The following NCKAP5 variants were observed in gnomAD, a reference collection of about 807,000 sequenced individuals.
NCKAP5 encodes NCK associated protein 5, also known as nck-associated protein 5.
NCKAP5 carries 92 observed loss-of-function variants against 167.0 expected under a neutral mutation model. That is an observed-to-expected ratio of 0.55 (90% confidence interval 0.47 to 0.66). NCKAP5 has a LOEUF of 0.66. Among genes scored for constraint, NCKAP5 ranks in the 30% least tolerant of loss-of-function variants. NCKAP5 has a pLI of 0.00. For synonymous variants in NCKAP5, 891 were observed against 877.4 expected (o/e 1.02, Z -0.27); for missense variants, 2,378 against 2,315.0 (o/e 1.03, Z -0.56).
chr2:133,127,959 G>A (rs1268196133), intron 6 of NCKAP5, among the ~76,000 whole-genome samples: 1 of 152,140 alleles, frequency 6.6e-6, no homozygotes, highest in African/African-American at 2.4e-5. Flanking sequence ...TTGAACTGGT[G>A]TTAAATTATA....
chr2:133,319,385 T>C (rs1472531066), intron 3 of NCKAP5, among the ~76,000 whole-genome samples: 1 of 152,178 alleles, frequency 6.6e-6, no homozygotes, highest in Admixed American at 6.5e-5. Flanking sequence ...TTGTACTTAA[T>C]GATTTAGGTG....
the NCKAP5 span, among the ~76,000 whole-genome samples, chr2:133,666,700 A>T: frequency 6.6e-6 from 1 of 150,924 alleles, no homozygotes; most frequent in South Asian, 2.1e-4. Flanking sequence ...AATATTCTAA[A>T]TTATAATAGA....
intron 1 of NCKAP5, among the ~76,000 whole-genome samples, chr2:133,563,563 A>AT (rs1412270724): frequency 1.1e-5 from 1 of 92,940 alleles, no homozygotes; most frequent in Non-Finnish European, 2.1e-5. Flanking sequence ...GAAAGACTCC[A>AT]TAAAAAAAAA....
chr2:133,287,741 T>G (rs951559111), intron 4 of NCKAP5, among the ~76,000 whole-genome samples: 29 of 152,232 alleles, frequency 1.9e-4, no homozygotes, highest in African/African-American at 7.0e-4. Context: ...CAGGGAAGAC[T>G]GGGCCCAGGT....
At chr2:132,859,149 T>C (rs1689698397) in intron 11 of NCKAP5, among the ~76,000 whole-genome samples, 1 of 152,180 alleles carries the variant, frequency 6.6e-6, no homozygotes, top group Non-Finnish European at 1.5e-5. Context: ...GAGTCATAAA[T>C]TATGAATTAT....
intron 3 of NCKAP5, among the ~76,000 whole-genome samples, chr2:133,465,198 C>A (rs1692482728): frequency 7.3e-6 from 1 of 136,372 alleles, no homozygotes; most frequent in Non-Finnish European, 1.5e-5. Flanking sequence ...GTGATATTCC[C>A]CTTCCTGTGT....
chr2:132,906,399 C>A (rs1037604552), intron 8 of NCKAP5, among the ~76,000 whole-genome samples: 3 of 152,150 alleles, frequency 2.0e-5, no homozygotes, highest in South Asian at 4.1e-4. Flanking sequence ...AGAGATTATA[C>A]TGTAAAGAGA....
At chr2:132,998,634 C>G (rs1339899114) in intron 6 of NCKAP5, among the ~76,000 whole-genome samples, 2 of 152,170 alleles carry the variant, frequency 1.3e-5, no homozygotes, top group Non-Finnish European at 2.9e-5. Context: ...ACAAACTTCT[C>G]TATTTTCCCA....
At chr2:133,379,211 C>A (rs1214355937) in intron 3 of NCKAP5, among the ~76,000 whole-genome samples, 1 of 152,228 alleles carries the variant, frequency 6.6e-6, no homozygotes, top group Non-Finnish European at 1.5e-5. Flanking sequence ...TTATTTCACA[C>A]TTCACTGCTC....
chr2:132,912,539 C>T (rs1413336295), intron 8 of NCKAP5, among the ~76,000 whole-genome samples: 3 of 152,176 alleles, frequency 2.0e-5, no homozygotes, highest in Admixed American at 1.3e-4. Context: ...TACATATCTA[C>T]AAACTGCCCT....
At chr2:132,921,056 T>C (rs1695388282) in intron 8 of NCKAP5, among the ~76,000 whole-genome samples, 1 of 151,614 alleles carries the variant, frequency 6.6e-6, no homozygotes, top group South Asian at 2.1e-4. Context: ...AGGAAAGACA[T>C]TGACTGAACT....
intron 7 of NCKAP5, among the ~76,000 whole-genome samples, chr2:132,983,742 C>T (rs2077206269): frequency 1.3e-5 from 2 of 152,186 alleles, no homozygotes; most frequent in South Asian, 4.1e-4. Context: ...GACTTCTCTA[C>T]TATCTCCACC....
In NCKAP5 at chr2:133,257,477, A is replaced by G. The variant is rs559570877; in HGVS notation, c.144-43698T>C. 1.4e-4 allele frequency among the ~76,000 whole-genome samples: 21 copies of G among 151,824 alleles called. 1 individual carries two copies. The South Asian group carries it at 4.4e-3, about 31-fold the overall frequency. On this transcript the variant is annotated intron_variant, in intron 4 of 19. Transcript: ENST00000409261. Reference sequence around the variant, plus strand: ...TTTATATTCATAAATATATAAGAAAACTAAGACACTTACGATAACTACTCT... The same window carrying G: ...TTTATATTCATAAATATATAAGAAAGCTAAGACACTTACGATAACTACTCT...
At chr2:133,563,653 T>C (rs1688342240) in intron 1 of NCKAP5, among the ~76,000 whole-genome samples, 1 of 149,430 alleles carries the variant, frequency 6.7e-6, no homozygotes, top group South Asian at 2.1e-4. Context: ...CGCATAGGCG[T>C]TAGACACTTT....
intron 5 of NCKAP5, among the ~76,000 whole-genome samples, chr2:133,132,162 C>T (rs1401043265): frequency 6.6e-6 from 1 of 151,810 alleles, no homozygotes; most frequent in Non-Finnish European, 1.5e-5. Context: ...TTGGCGGGTG[C>T]CTATAATGCC....
rs531811953 is a variant in NCKAP5, at chr2:132,966,768, C to T, written c.430-2899G>A. 3.8e-4 allele frequency among the ~76,000 whole-genome samples: 58 copies of T among 152,226 alleles called. 1 individual carries two copies. Among genetic ancestry groups the T allele is most frequent in the Admixed American group, 1.7e-3 (26 of 15,288 alleles). On this transcript the variant is annotated intron_variant, in intron 7 of 19. Coordinates refer to ENST00000409261, the MANE Select transcript of NCKAP5 (RefSeq NM_207363.3). ...TAACTCATCCTGAAGGAAGCTTATC[C>T]GACACACATGTATTTTATCTGTAGG...
Position 132,783,586 on chromosome 2 carries a change from T to G in NCKAP5, c.3225A>C (p.Pro1075=). 6.2e-7 allele frequency: 1 copy of G among 1,613,982 alleles called. No individual in the cohort carries two copies. The highest frequency in any genetic ancestry group is 8.5e-7 in the Non-Finnish European group (1 of 1,179,888). ...TPRISPSTHE[P]LEMTSSKSVS... ...CACTTTTGGAGGACGTCATTTCCAGTGGCTCATGGGTTGAAGGAGAGATCC... is the reference window on the plus strand; with the variant it reads ...CACTTTTGGAGGACGTCATTTCCAGGGGCTCATGGGTTGAAGGAGAGATCC... The change falls in exon 14 of 20, where the codon CCA becomes CCC. Residue 1075 remains proline (P), a synonymous_variant. Transcript: ENST00000409261.
intron 4 of NCKAP5, among the ~76,000 whole-genome samples, chr2:133,263,900 C>T (rs551207643): frequency 2.0e-5 from 3 of 152,204 alleles, no homozygotes; most frequent in South Asian, 4.1e-4. Context: ...TAGAAACTTG[C>T]GGATATCTCA....
At chr2:132,994,973 T>C (rs1464729768) in intron 6 of NCKAP5, among the ~76,000 whole-genome samples, 1 of 151,562 alleles carries the variant, frequency 6.6e-6, no homozygotes, top group Admixed American at 6.6e-5. Context: ...GTAGAAAAGG[T>C]ACAGGAAAAA....
Sources: gnomAD v4.1 joint callset for allele counts (sites outside exome capture counted in the v4.1 genomes callset) on GRCh38, gnomAD v4.1.1 for gene constraint, MANE v1.5 for transcripts, NCBI Gene and HGNC (gene_info 2026-07-23, HGNC 2026-07-21) for gene names.